RBFOX1: variants seen among roughly 807,000 people sequenced by gnomAD.
RBFOX1 encodes RNA binding protein fox-1 homolog 1.
RBFOX1 carries 8 observed loss-of-function variants against 57.7 expected under a neutral mutation model. The ratio of observed to expected loss-of-function variants is 0.14; its 90% CI spans 0.08 to 0.25. The LOEUF is 0.25. Among genes scored for constraint, RBFOX1 ranks in the 10% least tolerant of loss-of-function variants. RBFOX1 has a pLI of 1.00. For missense variants in RBFOX1, 611 were observed against 548.5 expected (o/e 1.11, Z -1.14); for synonymous variants, 326 against 222.4 (o/e 1.47, Z -4.15).
chr16:6,504,652 C>T (rs2096040781), intron 2 of RBFOX1, among the ~76,000 whole-genome samples: 1 of 152,146 alleles, frequency 6.6e-6, no homozygotes, highest in South Asian at 2.1e-4. Context: ...TATGACCTGT[C>T]CCACTGCCAT....
chr16:7,526,529 A>G (rs569848031), intron 5 of RBFOX1, among the ~76,000 whole-genome samples: 4 of 152,252 alleles, frequency 2.6e-5, no homozygotes, highest in Admixed American at 6.5e-5. Context: ...CTTCTAAACA[A>G]CTATCAGACG....
At chr16:5,553,169 A>C (rs1019411070) in intron 2 of RBFOX1, among the ~76,000 whole-genome samples, 1 of 152,120 alleles carries the variant, frequency 6.6e-6, no homozygotes, top group Non-Finnish European at 1.5e-5. Context: ...CATTAGGACA[A>C]ATACCTAATG....
intron 4 of RBFOX1, among the ~76,000 whole-genome samples, chr16:7,254,869 T>A (rs1303284736): frequency 1.3e-5 from 2 of 152,142 alleles, no homozygotes; most frequent in Non-Finnish European, 2.9e-5. Flanking sequence ...GAAATAGGTA[T>A]GAATTTTTCA....
At chr16:6,501,551 TG>T (rs1277537924) in intron 2 of RBFOX1, among the ~76,000 whole-genome samples, 4 of 152,222 alleles carry the variant, frequency 2.6e-5, no homozygotes, top group Admixed American at 1.3e-4. Context: ...GTTGGACATT[TG>T]GGTTGGTTCC....
chr16:5,626,554 C>G (rs2048355966), intron 3 of RBFOX1, among the ~76,000 whole-genome samples: 1 of 152,172 alleles, frequency 6.6e-6, no homozygotes, highest in South Asian at 2.1e-4. Flanking sequence ...GTAGTGGACC[C>G]TAACCAAAAA....
At chr16:5,488,101 A>ATGG (rs1208248531) in intron 2 of RBFOX1, among the ~76,000 whole-genome samples, 2 of 142,880 alleles carry the variant, frequency 1.4e-5, no homozygotes, top group Admixed American at 6.8e-5. Flanking sequence ...GATGATGGTG[A>ATGG]TGGTGGTGGT....
intron 2 of RBFOX1, among the ~76,000 whole-genome samples, chr16:6,585,915 C>T (rs1411282553): frequency 6.6e-6 from 1 of 152,082 alleles, no homozygotes; most frequent in African/African-American, 2.4e-5. Flanking sequence ...AGATCATACG[C>T]AATTATTTCT....
At chr16:6,133,223 G>A (rs1426983602) in intron 1 of RBFOX1, among the ~76,000 whole-genome samples, 1 of 152,106 alleles carries the variant, frequency 6.6e-6, no homozygotes, top group East Asian at 1.9e-4. Flanking sequence ...AGCATCTCCT[G>A]TGCTGACAAA....
intron 2 of RBFOX1, among the ~76,000 whole-genome samples, chr16:6,457,000 C>G (rs959421923): frequency 6.6e-6 from 1 of 152,058 alleles, no homozygotes; most frequent in African/African-American, 2.4e-5. Flanking sequence ...AAGTAGGCAG[C>G]TGAGTATAAG....
At chr16:7,551,257 C>G (rs898100314) in intron 5 of RBFOX1, among the ~76,000 whole-genome samples, 1 of 151,996 alleles carries the variant, frequency 6.6e-6, no homozygotes, top group South Asian at 2.1e-4. Flanking sequence ...ACCACTTGTC[C>G]CCCAGAAACA....
intron 2 of RBFOX1, among the ~76,000 whole-genome samples, chr16:6,522,208 G>A (rs74005251): frequency 0.011 from 1,672 of 147,522 alleles, 38 homozygotes; most frequent in African/African-American, 0.04. Context: ...TTAAAAATTA[G>A]GATGAACATT....
At chr16:6,189,739 C>G (rs2097130297) in intron 1 of RBFOX1, among the ~76,000 whole-genome samples, 1 of 152,138 alleles carries the variant, frequency 6.6e-6, no homozygotes, top group East Asian at 1.9e-4. Flanking sequence ...TTCGTACATT[C>G]CACTAAACAA....
chr16:5,583,768 T>C (rs557962759), intron 2 of RBFOX1, among the ~76,000 whole-genome samples: 3 of 152,204 alleles, frequency 2.0e-5, no homozygotes, highest in East Asian at 1.9e-4. Flanking sequence ...CCCCATCTTA[T>C]AGAGGGGAAA....
chr16:6,098,861 C>A (rs1394855692), intron 1 of RBFOX1, among the ~76,000 whole-genome samples: 1 of 152,150 alleles, frequency 6.6e-6, no homozygotes, highest in Non-Finnish European at 1.5e-5. Context: ...AAGTGTCCAA[C>A]CCTGATTGGC....
chr16:6,786,047 A>C (rs1177512885), intron 3 of RBFOX1, among the ~76,000 whole-genome samples: 1 of 152,190 alleles, frequency 6.6e-6, no homozygotes, highest in Non-Finnish European at 1.5e-5. Context: ...TAGTGTCTGC[A>C]CTGGGGAGGA....
At chr16:6,653,062 A>C in intron 2 of RBFOX1, among the ~76,000 whole-genome samples, 1 of 151,924 alleles carries the variant, frequency 6.6e-6, no homozygotes, top group Non-Finnish European at 1.5e-5. Flanking sequence ...GGCTCTTTCC[A>C]GTGCATTTCC....
chr16:6,492,058 T>C lies in RBFOX1; in HGVS notation c.-63-162545T>C, dbSNP rs544426782. On this transcript the variant is annotated intron_variant, in intron 2 of 15. Transcript: ENST00000550418. ...ACTGAGTAGTAATGGAGAAGACAAA[T>C]TGGCAAAGGACATGAATATAGGTTT... Among the ~76,000 whole-genome samples the C allele has an allele frequency of 6.6e-5, 10 of 152,118 alleles. No individual in the cohort carries two copies. In the East Asian group the frequency reaches 1.7e-3, roughly 27 times the overall value.
chr16:6,353,842 C>G (rs190252917), intron 2 of RBFOX1, among the ~76,000 whole-genome samples: 3 of 152,282 alleles, frequency 2.0e-5, no homozygotes, highest in Admixed American at 6.5e-5. Flanking sequence ...TGACACGTTC[C>G]TGGGCTCTGG....
At chr16:5,945,907 C>T (rs575516705) in intron 4 of RBFOX1, among the ~76,000 whole-genome samples, 1 of 152,318 alleles carries the variant, frequency 6.6e-6, no homozygotes, top group Non-Finnish European at 1.5e-5. Flanking sequence ...CACTGAGCCA[C>T]TCCATGCCAT....
Sources: allele counts gnomAD v4.1 joint callset (sites outside exome capture counted in the v4.1 genomes callset), GRCh38; gene constraint gnomAD v4.1.1; transcripts MANE v1.5; gene names NCBI Gene and HGNC (gene_info 2026-07-23, HGNC 2026-07-21).